PCDH10: variants seen among roughly 807,000 people sequenced by gnomAD.
PCDH10 encodes the protein protocadherin-10.
In PCDH10, 15 loss-of-function variants were observed where a neutral mutation model predicts 74.4. That is an observed-to-expected ratio of 0.20 (90% CI 0.13 to 0.31). The LOEUF is 0.31. Among genes scored for constraint, PCDH10 ranks in the 10% least tolerant of loss-of-function variants. PCDH10 has a pLI of 1.00. For missense variants in PCDH10, 1,260 were observed against 1,390.2 expected (o/e 0.91, Z 1.49); for synonymous variants, 619 against 589.8 (o/e 1.05, Z -0.72).
At chr4:133,155,264 A>G (rs1345768571) in intron 3 of PCDH10, among the ~76,000 whole-genome samples, 6 of 152,224 alleles carry the variant, frequency 3.9e-5, no homozygotes, top group South Asian at 2.1e-4. Flanking sequence ...TACGAAATAT[A>G]TCTTGCTTAT....
At chr4:133,161,768 C>T (rs1337849700) in intron 3 of PCDH10, among the ~76,000 whole-genome samples, 2 of 151,326 alleles carry the variant, frequency 1.3e-5, no homozygotes, top group Non-Finnish European at 2.9e-5. Flanking sequence ...ATAAAGTGGC[C>T]TACTAGGCAC....
intron 2 of PCDH10, among the ~76,000 whole-genome samples, chr4:133,203,391 C>T (rs1039665215): frequency 7.2e-5 from 11 of 152,036 alleles, no homozygotes; most frequent in Non-Finnish European, 1.6e-4. Context: ...AAATAATTAT[C>T]ATAAAGGTTA....
intron 4 of PCDH10, among the ~76,000 whole-genome samples, chr4:133,184,672 A>G (rs930131421): frequency 6.8e-6 from 1 of 146,300 alleles, no homozygotes; most frequent in African/African-American, 2.5e-5. Context: ...TTATTTATTT[A>G]TATTTATTTA....
intron 2 of PCDH10, among the ~76,000 whole-genome samples, chr4:133,203,892 T>C (rs963074076): frequency 2.0e-5 from 3 of 152,176 alleles, no homozygotes; most frequent in Non-Finnish European, 4.4e-5. Context: ...TAAGGTCATT[T>C]TGACTGTGAG....
At chr4:133,172,918 A>G (rs1157468562) in intron 4 of PCDH10, among the ~76,000 whole-genome samples, 1 of 151,890 alleles carries the variant, frequency 6.6e-6, no homozygotes, top group Non-Finnish European at 1.5e-5. Context: ...CTTGGATATC[A>G]TTTCTCTATC....
chr4:133,176,057 C>T (rs1727289059), intron 4 of PCDH10, among the ~76,000 whole-genome samples: 1 of 152,092 alleles, frequency 6.6e-6, no homozygotes, highest in Non-Finnish European at 1.5e-5. Flanking sequence ...AATAGGTTTT[C>T]CCTAAGCATC....
rs572463472 is a variant in PCDH10, at chr4:133,159,158, G to A, written c.2798-3819G>A. On this transcript the variant is annotated intron_variant, in intron 3 of 4. Coordinates refer to ENST00000264360, the MANE Select transcript of PCDH10 (RefSeq NM_032961.3). ...AAAAAAATAAACGCTTTGAATGAAA[G>A]CTTGTTGCACAAAAAGAAATGTTCA... 2.1e-3 allele frequency among the ~76,000 whole-genome samples: 319 copies of A among 152,070 alleles called. 1 individual carries two copies. The highest frequency in any genetic ancestry group is 7.3e-3 in the African/African-American group (303 of 41,530).
downstream of PCDH10, among the ~76,000 whole-genome samples, chr4:133,198,607 A>G (rs1289057154): frequency 6.6e-6 from 1 of 152,204 alleles, no homozygotes; most frequent in East Asian, 1.9e-4. Context: ...CTCCGTTTAA[A>G]GGTGTCTTCC....
Position 133,150,166 on chromosome 4 carries a change from T to C in PCDH10, c.26T>C (p.Leu9Ser), listed in dbSNP as rs753832377. 1.5e-5 allele frequency: 24 copies of C among 1,568,292 alleles called. No individual in the cohort carries two copies. Among genetic ancestry groups the C allele is most frequent in the Non-Finnish European group, 1.8e-5 (21 of 1,158,250 alleles). The change falls in exon 1 of 5, where the codon TTG becomes TCG. Residue 9 changes from leucine (L) to serine (S), a missense_variant. This residue lies in a region of PCDH10 where 103 missense variants were observed against 91.5 expected (regional missense o/e 1.13). Transcript: ENST00000264360. MIVLLLFA[L>S]LWMVEGVFSQ... ...ATGATTGTGCTATTATTGTTTGCCT[T>C]GCTCTGGATGGTGGAAGGAGTCTTT...
At chr4:133,184,640 T>C (rs1415285289) in intron 4 of PCDH10, among the ~76,000 whole-genome samples, 1 of 148,236 alleles carries the variant, frequency 6.7e-6, no homozygotes, top group African/African-American at 2.5e-5. Flanking sequence ...GGTTTTATTA[T>C]CTATAAATAT....
rs1726709618 is a variant in PCDH10, at chr4:133,151,855, C to T, written c.1715C>T (p.Pro572Leu). 6.2e-7 allele frequency: 1 copy of T among 1,613,128 alleles called. No homozygotes were observed. The highest frequency in any genetic ancestry group is 8.5e-7 in the Non-Finnish European group (1 of 1,180,048). The change falls in exon 1 of 5, where the codon CCT (proline) becomes CTT (leucine). Residue 572 changes from proline (P) to leucine (L), a missense_variant. By Grantham distance (98) the Pro-to-Leu change is moderately conservative. Around this residue, in one of 11 missense-constraint regions of PCDH10, gnomAD observed 587 missense variants for 616.9 expected, o/e 0.95. Transcript: ENST00000264360. ...ILIVDQNDNA[P>L]AIVAPLPGRN... ...ATAGTGGATCAAAATGACAACGCCCCTGCCATCGTGGCGCCTCTACCAGGG... is the reference window on the plus strand; with the variant it reads ...ATAGTGGATCAAAATGACAACGCCCTTGCCATCGTGGCGCCTCTACCAGGG...
chr4:133,204,199 G>A (rs531679610), intron 2 of PCDH10, among the ~76,000 whole-genome samples: 10 of 152,250 alleles, frequency 6.6e-5, no homozygotes, highest in South Asian at 2.1e-4. Flanking sequence ...TTGCCTGAAC[G>A]GCGGCTCTTG....
Position 133,151,766 on chromosome 4 carries a change from G to A in PCDH10, c.1626G>A (p.Gln542=), listed in dbSNP as rs1219395001. ...AGCAGCTGAAGGACTTCAGTTTTCAGGTGGAAGCCCGGGACGCTGGCAGCC... is the reference window on the plus strand; with the variant it reads ...AGCAGCTGAAGGACTTCAGTTTTCAAGTGGAAGCCCGGGACGCTGGCAGCC... ...DYEQLKDFSF[Q]VEARDAGSPQ... Residue 542 remains glutamine, a synonymous_variant, in exon 1 of 5, where the codon CAG becomes CAA. Transcript: ENST00000264360. 1 of 1,613,022 alleles carries A rather than the reference G, an allele frequency of 6.2e-7. No homozygotes were observed. Among genetic ancestry groups the A allele is most frequent in the African/African-American group, 1.3e-5 (1 of 74,944 alleles).
At chr4:133,201,182 C>T (rs1727902001) in intron 2 of PCDH10, among the ~76,000 whole-genome samples, 1 of 152,162 alleles carries the variant, frequency 6.6e-6, no homozygotes, top group African/African-American at 2.4e-5. Flanking sequence ...ACAAAACCAT[C>T]ATCATTTCAC....
At position 133,150,340 on chromosome 4, in the gene PCDH10, A is replaced by G. The variant is rs1212094668; in HGVS notation, c.200A>G (p.Asn67Ser). ...PNSRTPYLDL[N>S]LETGVLYVNE... The stretch of plus-strand genomic sequence containing the variant: ...TCAAGGACCCCTTACTTAGACCTCA[A>G]CCTGGAGACAGGGGTGCTGTACGTG... The change falls in exon 1 of 5, where the codon AAC (asparagine) becomes AGC (serine). Residue 67 changes from asparagine to serine, a missense_variant. Coordinates refer to ENST00000264360, the MANE Select transcript of PCDH10 (RefSeq NM_032961.3). 6.8e-6 allele frequency: 11 copies of G among 1,613,582 alleles called. No individual in the cohort carries two copies. The highest frequency in any genetic ancestry group is 4.5e-5 in the East Asian group (2 of 44,852).
At chr4:133,153,142 T>A in intron 1 of PCDH10, 1 of 1,207,826 alleles carries the variant, frequency 8.3e-7, no homozygotes, top group Middle Eastern at 3.4e-4. Context: ...GGCAAAGGTC[T>A]TTTTTCTTTG....
At chr4:133,198,613 C>A (rs13103746), downstream of PCDH10, among the ~76,000 whole-genome samples, 69,832 of 151,986 alleles carry the variant, frequency 0.46, 18,808 homozygotes, top group Admixed American at 0.6. Flanking sequence ...TTAAAGGTGT[C>A]TTCCTAATTC....
Position 133,154,302 on chromosome 4 carries a change from C to T in PCDH10, c.2632-5C>T. Reference sequence around the variant, plus strand: ...ATGCTCTTGATTTATTTATTTTTTTCCTAGACTAAACACCAGCGAGCAGAG... The same window carrying T: ...ATGCTCTTGATTTATTTATTTTTTTTCTAGACTAAACACCAGCGAGCAGAG... On this transcript the variant is annotated splice_polypyrimidine_tract_variant and splice_region_variant and intron_variant, in intron 1 of 4. Transcript: ENST00000264360. 1.2e-6 allele frequency: 2 copies of T among 1,601,208 alleles called. No homozygotes were observed. Among genetic ancestry groups the T allele is most frequent in the Non-Finnish European group, 1.7e-6 (2 of 1,171,272 alleles).
At chr4:133,179,415 T>C (rs995389328) in intron 4 of PCDH10, among the ~76,000 whole-genome samples, 1 of 152,198 alleles carries the variant, frequency 6.6e-6, no homozygotes, top group East Asian at 1.9e-4. Context: ...CTTTTATACT[T>C]AAGCTCTGCC....
Sources: gnomAD v4.1 joint callset for allele counts (sites outside exome capture counted in the v4.1 genomes callset) on GRCh38, gnomAD v4.1.1 for gene constraint, gnomAD v4.1.1 regional missense constraint, MANE v1.5 for transcripts, NCBI Gene and HGNC (gene_info 2026-07-23, HGNC 2026-07-21) for gene names.